The following PCDH15 variants were observed in gnomAD, a reference collection of about 807,000 sequenced individuals.
PCDH15 encodes protocadherin related 15, also known as protocadherin-15.
PCDH15 carries 129 observed loss-of-function variants against 178.5 expected under a neutral mutation model. The ratio of observed to expected loss-of-function variants is 0.72; its 90% CI spans 0.63 to 0.84. The LOEUF (loss-of-function observed/expected upper bound fraction) is 0.84. Ranked by LOEUF, PCDH15 falls within the 40% of genes least tolerant of loss-of-function variation. PCDH15 has a pLI of 0.00. For missense variants in PCDH15, 2,230 were observed against 2,099.9 expected, an observed-to-expected ratio of 1.06 and a Z score of -1.21; for synonymous variants, 800 against 732.0, an observed-to-expected ratio of 1.09 and a Z score of -1.50.
intron 6 of PCDH15, among the ~76,000 whole-genome samples, chr10:54,343,577 G>A (rs1942663454): frequency 1.3e-5 from 2 of 149,862 alleles, no homozygotes; most frequent in Non-Finnish European, 3.0e-5. Flanking sequence ...CAAACTTGTT[G>A]CTTCTTTGTT....
At chr10:55,464,298 T>C (rs555555582) in intron 2 of PCDH15, among the ~76,000 whole-genome samples, 10 of 152,308 alleles carry the variant, frequency 6.6e-5, no homozygotes, top group South Asian at 2.1e-4. Flanking sequence ...TGTGCAATAC[T>C]GTTACGACTA....
At chr10:54,869,480 A>G (rs1953997019) in intron 3 of PCDH15, among the ~76,000 whole-genome samples, 1 of 152,204 alleles carries the variant, frequency 6.6e-6, no homozygotes, top group African/African-American at 2.4e-5. Flanking sequence ...TATATATTAA[A>G]GAGTACACAG....
intron 25 of PCDH15, among the ~76,000 whole-genome samples, chr10:53,930,221 G>A (rs926481055): frequency 6.6e-6 from 1 of 151,776 alleles, no homozygotes; most frequent in Non-Finnish European, 1.5e-5. Flanking sequence ...CACTTTGGGA[G>A]GCCGAGGCGG....
chr10:53,964,947 TAAC>T (rs1486851551), intron 21 of PCDH15, among the ~76,000 whole-genome samples: 2 of 152,156 alleles, frequency 1.3e-5, no homozygotes, highest in Admixed American at 6.6e-5. Flanking sequence ...ATAATGATAA[TAAC>T]AAGAGTTGTT....
At chr10:53,968,226 TC>T (rs1372936668) in intron 21 of PCDH15, among the ~76,000 whole-genome samples, 3 of 151,988 alleles carry the variant, frequency 2.0e-5, no homozygotes, top group Admixed American at 1.3e-4. Flanking sequence ...GCTCAGAGGG[TC>T]CCACACCCAT....
intron 2 of PCDH15, among the ~76,000 whole-genome samples, chr10:54,902,882 G>T (rs996865617): frequency 3.9e-5 from 6 of 152,062 alleles, no homozygotes; most frequent in African/African-American, 1.4e-4. Flanking sequence ...GCAGTTTTGT[G>T]CTGCAATTTC....
intron 2 of PCDH15, among the ~76,000 whole-genome samples, chr10:55,052,675 C>A (rs1039129838): frequency 6.6e-6 from 1 of 151,660 alleles, no homozygotes; most frequent in Admixed American, 6.6e-5. Flanking sequence ...GAGATCGTGC[C>A]ACTGCACTTC....
intron 3 of PCDH15, among the ~76,000 whole-genome samples, chr10:54,510,411 T>C (rs2081550578): frequency 6.6e-6 from 1 of 152,176 alleles, no homozygotes; most frequent in Non-Finnish European, 1.5e-5. Flanking sequence ...TGATTAATTC[T>C]CTCTACTTGG....
At chr10:54,868,452 C>A (rs561188508) in intron 3 of PCDH15, among the ~76,000 whole-genome samples, 31 of 152,242 alleles carry the variant, frequency 2.0e-4, no homozygotes, top group South Asian at 1.0e-3. Flanking sequence ...CCTCCTCCCT[C>A]ACCCTCACAG....
chr10:54,306,108 G>A (rs1195429221), intron 8 of PCDH15, among the ~76,000 whole-genome samples: 3 of 151,524 alleles, frequency 2.0e-5, no homozygotes, highest in African/African-American at 4.8e-5. Flanking sequence ...GGGCAAACCT[G>A]GTAGACACCC....
At chr10:54,230,040 T>C (rs909804912) in intron 9 of PCDH15, among the ~76,000 whole-genome samples, 2 of 152,250 alleles carry the variant, frequency 1.3e-5, no homozygotes, top group Non-Finnish European at 2.9e-5. Context: ...TTATTTCTAC[T>C]GATTCAGTTC....
At chr10:55,345,528 T>C (rs1844730233) in intron 2 of PCDH15, among the ~76,000 whole-genome samples, 1 of 152,260 alleles carries the variant, frequency 6.6e-6, no homozygotes, top group African/African-American at 2.4e-5. Flanking sequence ...TCCTGTACTC[T>C]ATAAATCAGA....
At chr10:55,261,029 C>A (rs1469401690) in intron 1 of PCDH15, among the ~76,000 whole-genome samples, 1 of 151,878 alleles carries the variant, frequency 6.6e-6, no homozygotes, top group African/African-American at 2.4e-5. Context: ...GGTCCACAAA[C>A]ACCAACACTA....
At chr10:54,087,193 T>C (rs2094528673) in intron 16 of PCDH15, among the ~76,000 whole-genome samples, 1 of 148,578 alleles carries the variant, frequency 6.7e-6, no homozygotes, top group South Asian at 2.1e-4. Flanking sequence ...ATCCACCAAT[T>C]TAAAGGGTAC....
At chr10:55,555,157 TACCAGTA>T (rs1364924085) in intron 2 of PCDH15, among the ~76,000 whole-genome samples, 2 of 152,100 alleles carry the variant, frequency 1.3e-5, no homozygotes, top group Non-Finnish European at 2.9e-5. Context: ...TTAAAATTAT[TACCAGTA>T]ACTACTATTT....
intron 2 of PCDH15, among the ~76,000 whole-genome samples, chr10:55,400,464 AT>A (rs1838035583): frequency 6.6e-6 from 1 of 152,160 alleles, no homozygotes; most frequent in Admixed American, 6.5e-5. Flanking sequence ...TATTCACTAC[AT>A]TTAGAATAAA....
chr10:54,858,807 G>A (rs1041630987), intron 3 of PCDH15, among the ~76,000 whole-genome samples: 9 of 151,958 alleles, frequency 5.9e-5, no homozygotes, highest in African/African-American at 1.7e-4. Context: ...CGTCTGTGTG[G>A]TGAATGGCAT....
chr10:54,828,090 T>C (rs551338683), intron 3 of PCDH15, among the ~76,000 whole-genome samples: 2 of 152,140 alleles, frequency 1.3e-5, no homozygotes, highest in Admixed American at 1.3e-4. Flanking sequence ...CTACCATTGG[T>C]ACTGATACCT....
chr10:54,926,510 A>T (rs899013247), intron 2 of PCDH15, among the ~76,000 whole-genome samples: 1 of 151,982 alleles, frequency 6.6e-6, no homozygotes, highest in Admixed American at 6.6e-5. Context: ...GTTTTGTAAC[A>T]GTTTAGGTAG....
Sources: gnomAD v4.1 joint callset for allele counts (sites outside exome capture counted in the v4.1 genomes callset) on GRCh38, gnomAD v4.1.1 for gene constraint, MANE v1.5 for transcripts, NCBI Gene and HGNC (gene_info 2026-07-23, HGNC 2026-07-21) for gene names.